The following ENTHD1 variants were observed in gnomAD, a reference collection of about 807,000 sequenced individuals.
The protein encoded by ENTHD1 is ENTH domain containing 1, also known as ENTH domain-containing protein 1.
A neutral mutation model predicts 39.1 loss-of-function variants in ENTHD1; 23 were observed. That is an observed-to-expected ratio of 0.59 (90% confidence interval 0.42 to 0.83). The LOEUF is 0.83. Ranked by LOEUF, ENTHD1 falls within the 40% of genes least tolerant of loss-of-function variation. ENTHD1 has a pLI of 0.00. For synonymous variants in ENTHD1, 230 were observed against 258.2 expected, an observed-to-expected ratio of 0.89 and a Z score of 1.05; for missense variants, 624 against 705.4, an observed-to-expected ratio of 0.88 and a Z score of 1.31.
rs144855140 is a variant in ENTHD1 at position 39,860,293 on chromosome 22, G to A, written c.592+1472C>T. On this transcript the variant is annotated intron_variant, in intron 3 of 6. Transcript: ENST00000325157. ...AAGGAAGAGTAAGAAAGGTAACATCGAAGAAGCAAAAGTGGGGAAGAAACT... is the reference window on the plus strand; with the variant it reads ...AAGGAAGAGTAAGAAAGGTAACATCAAAGAAGCAAAAGTGGGGAAGAAACT... Among the ~76,000 whole-genome samples the A allele has an allele frequency of 5.8e-3, 882 of 152,258 alleles. 13 individuals carry two copies. The highest frequency in any genetic ancestry group is 0.041 in the Middle Eastern group (12 of 294).
At chr22:39,820,684 G>A (rs949354717) in intron 5 of ENTHD1, among the ~76,000 whole-genome samples, 1 of 151,926 alleles carries the variant, frequency 6.6e-6, no homozygotes, top group East Asian at 1.9e-4. Context: ...TTTTGAAAGA[G>A]TTCATAATTT....
intron 5 of ENTHD1, among the ~76,000 whole-genome samples, chr22:39,809,728 C>T (rs75728551): frequency 0.068 from 10,359 of 152,182 alleles, 406 homozygotes; most frequent in South Asian, 0.12. Flanking sequence ...CATCTGTAGG[C>T]TGAGATGACC....
chr22:39,800,852 G>A (rs1422889944), intron 5 of ENTHD1, among the ~76,000 whole-genome samples: 3 of 152,224 alleles, frequency 2.0e-5, no homozygotes, highest in Non-Finnish European at 4.4e-5. Flanking sequence ...GAACCTTGAG[G>A]TTGTCTAGTC....
Position 39,858,016 on chromosome 22 carries a change from C to G in ENTHD1, c.592+3749G>C, listed in dbSNP as rs538982596. Among the ~76,000 whole-genome samples, 5 of 152,194 alleles carry G rather than the reference C, an allele frequency of 3.3e-5. No homozygotes were observed. The South Asian group carries it at 8.3e-4, about 25-fold the overall frequency. On this transcript the variant is annotated intron_variant, in intron 3 of 6. Coordinates refer to ENST00000325157, the MANE Select transcript of ENTHD1 (RefSeq NM_152512.4). The stretch of plus-strand genomic sequence containing the variant: ...TTTTTAAAGTAAGACAACAATAAAG[C>G]CTGCAACATCAACTGACTCTTCCTT...
chr22:39,832,692 C>T lies in ENTHD1; in HGVS notation c.711+3148G>A, dbSNP rs1035988782. Among the ~76,000 whole-genome samples the T allele has an allele frequency of 7.2e-5, 11 of 152,238 alleles. 1 individual carries two copies. Among genetic ancestry groups the T allele is most frequent in the Admixed American group, 6.5e-4 (10 of 15,292 alleles). On this transcript the variant is annotated intron_variant, in intron 4 of 6. Coordinates refer to ENST00000325157, the MANE Select transcript of ENTHD1 (RefSeq NM_152512.4). ...TTCTGGTTCTGGTGGCTCCCTCTCA[C>T]AAGATCAACCCAGGAGGTACTATAA...
intron 6 of ENTHD1, among the ~76,000 whole-genome samples, chr22:39,761,866 T>G (rs186382197): frequency 6.6e-6 from 1 of 152,324 alleles, no homozygotes; most frequent in East Asian, 1.9e-4. Context: ...TTGTAATAGC[T>G]GCTTTTAGAA....
At chr22:39,880,198 C>T (rs1057487952) in intron 2 of ENTHD1, among the ~76,000 whole-genome samples, 2 of 152,210 alleles carry the variant, frequency 1.3e-5, no homozygotes, top group African/African-American at 4.8e-5. Flanking sequence ...AATGCCACTG[C>T]ACTCCAGCCC....
At chr22:39,768,819 G>A (rs1601581711) in intron 5 of ENTHD1, among the ~76,000 whole-genome samples, 2 of 151,986 alleles carry the variant, frequency 1.3e-5, no homozygotes, top group African/African-American at 2.4e-5. Flanking sequence ...GGTCCATCAA[G>A]AAATCATTGT....
intron 5 of ENTHD1, among the ~76,000 whole-genome samples, chr22:39,811,031 G>C (rs1411902507): frequency 6.6e-6 from 1 of 152,214 alleles, no homozygotes; most frequent in Non-Finnish European, 1.5e-5. Flanking sequence ...TATGCAAGAA[G>C]TGGCAAGCAC....
intron 5 of ENTHD1, among the ~76,000 whole-genome samples, chr22:39,783,744 C>A (rs538378489): frequency 7.9e-5 from 12 of 152,112 alleles, no homozygotes; most frequent in Non-Finnish European, 1.6e-4. Context: ...ACACAAAAAC[C>A]AAATGAAAAT....
intron 5 of ENTHD1, among the ~76,000 whole-genome samples, chr22:39,784,123 G>A (rs1569138718): frequency 6.6e-6 from 1 of 151,970 alleles, no homozygotes; most frequent in Non-Finnish European, 1.5e-5. Flanking sequence ...CAGACACATG[G>A]CCAACAGGTA....
At chr22:39,784,733 T>C (rs987146740) in intron 5 of ENTHD1, among the ~76,000 whole-genome samples, 1 of 151,996 alleles carries the variant, frequency 6.6e-6, no homozygotes, top group Admixed American at 6.6e-5. Context: ...AAAAAGTGGA[T>C]CTCATGAAGA....
chr22:39,816,826 G>T (rs2065737078), intron 5 of ENTHD1, among the ~76,000 whole-genome samples: 1 of 151,666 alleles, frequency 6.6e-6, no homozygotes, highest in African/African-American at 2.4e-5. Context: ...ACACCATTAA[G>T]AAAGTTGAAA....
In ENTHD1 at chr22:39,752,114, G is replaced by T. The variant is rs144966622; in HGVS notation, c.1220-7831C>A. On this transcript the variant is annotated intron_variant, in intron 6 of 6. Transcript: ENST00000325157. ...TCTCTATAGAAGAGAGAGAGAAATAGATATACTTTTTGGTATACTATATAC... is the reference window on the plus strand; with the variant it reads ...TCTCTATAGAAGAGAGAGAGAAATATATATACTTTTTGGTATACTATATAC... Among the ~76,000 whole-genome samples the T allele has an allele frequency of 2.6e-3, 388 of 151,828 alleles. 1 individual carries two copies. The highest frequency in any genetic ancestry group is 8.9e-3 in the African/African-American group (370 of 41,406).
At chr22:39,755,435 A>C (rs946745107) in intron 6 of ENTHD1, among the ~76,000 whole-genome samples, 2 of 152,176 alleles carry the variant, frequency 1.3e-5, no homozygotes, top group African/African-American at 4.8e-5. Context: ...AGAGAGGCAG[A>C]AGCTAGGCTT....
intron 5 of ENTHD1, among the ~76,000 whole-genome samples, chr22:39,819,252 C>T (rs1357635048): frequency 6.6e-6 from 1 of 152,024 alleles, no homozygotes; most frequent in African/African-American, 2.4e-5. Context: ...GTAGTCCCAG[C>T]TACTTGGGAG....
chr22:39,762,741 CTG>C (rs2065245653), intron 6 of ENTHD1, among the ~76,000 whole-genome samples: 1 of 152,176 alleles, frequency 6.6e-6, no homozygotes. Flanking sequence ...GCACAAGTCA[CTG>C]TACCAGGTCC....
At chr22:39,803,550 A>G (rs749283394) in intron 5 of ENTHD1, among the ~76,000 whole-genome samples, 2 of 152,278 alleles carry the variant, frequency 1.3e-5, no homozygotes, top group Non-Finnish European at 2.9e-5. Flanking sequence ...TGCTGATTAC[A>G]GTGCCTGAGA....
intron 5 of ENTHD1, among the ~76,000 whole-genome samples, chr22:39,769,379 A>G (rs1465405591): frequency 1.3e-5 from 2 of 152,198 alleles, no homozygotes; most frequent in Non-Finnish European, 2.9e-5. Flanking sequence ...GAGTATATGA[A>G]CAAGCAATTT....
Sources: gnomAD v4.1 joint callset for allele counts (sites outside exome capture counted in the v4.1 genomes callset) on GRCh38, gnomAD v4.1.1 for gene constraint, MANE v1.5 for transcripts, NCBI Gene and HGNC (gene_info 2026-07-23, HGNC 2026-07-21) for gene names.